The following MAPKAPK2 variants were observed in gnomAD, a reference collection of about 807,000 sequenced individuals.
The protein encoded by MAPKAPK2 is MAP kinase-activated protein kinase 2.
A neutral mutation model predicts 48.8 loss-of-function variants in MAPKAPK2; 9 were observed. The observed-to-expected ratio is 0.18, with a 90% CI of 0.11 to 0.32. The LOEUF is 0.32. Among genes scored for constraint, MAPKAPK2 ranks in the 10% least tolerant of loss-of-function variants. The probability of loss-of-function intolerance (pLI) is 1.00; values close to 1 mark genes in which losing one functional copy is unlikely to be tolerated. For missense variants in MAPKAPK2, 331 were observed against 498.3 expected (o/e 0.66, Z 3.20); for synonymous variants, 202 against 190.6 (o/e 1.06, Z -0.49).
chr1:206,727,986 C>T (rs1452814817), intron 1 of MAPKAPK2, among the ~76,000 whole-genome samples: 1 of 150,890 alleles, frequency 6.6e-6, no homozygotes, highest in Admixed American at 6.7e-5. Flanking sequence ...CAGTCACTAG[C>T]AAAGGGACTG....
intron 1 of MAPKAPK2, among the ~76,000 whole-genome samples, chr1:206,715,586 C>A (rs1673299317): frequency 6.6e-6 from 1 of 151,076 alleles, no homozygotes; most frequent in Non-Finnish European, 1.5e-5. Context: ...ACTCCTTGGT[C>A]TCAACATCTA....
At chr1:206,698,723 G>T (rs540523387) in intron 1 of MAPKAPK2, among the ~76,000 whole-genome samples, 1 of 152,112 alleles carries the variant, frequency 6.6e-6, no homozygotes, top group Non-Finnish European at 1.5e-5. Flanking sequence ...ACATGTTCAT[G>T]TACAGAATAA....
chr1:206,716,829 A>G (rs1446706659), intron 1 of MAPKAPK2, among the ~76,000 whole-genome samples: 1 of 151,970 alleles, frequency 6.6e-6, no homozygotes, highest in Non-Finnish European at 1.5e-5. Flanking sequence ...TACTAAGAAC[A>G]TGATCTTTCT....
chr1:206,697,121 T>A (rs1472587886), intron 1 of MAPKAPK2, among the ~76,000 whole-genome samples: 3 of 152,238 alleles, frequency 2.0e-5, no homozygotes, highest in Non-Finnish European at 4.4e-5. Flanking sequence ...AGGCCCCTCC[T>A]ATTCCTGTTC....
At chr1:206,703,597 A>G (rs1672863641) in intron 1 of MAPKAPK2, among the ~76,000 whole-genome samples, 1 of 152,254 alleles carries the variant, frequency 6.6e-6, no homozygotes. Context: ...AACAGAGGGT[A>G]GGCATCAACC....
At chr1:206,717,127 C>CA (rs1356460324) in intron 1 of MAPKAPK2, among the ~76,000 whole-genome samples, 11 of 152,172 alleles carry the variant, frequency 7.2e-5, no homozygotes, top group African/African-American at 2.7e-4. Flanking sequence ...GTTTATTTGT[C>CA]AAAGCCTCCT....
intron 1 of MAPKAPK2, among the ~76,000 whole-genome samples, chr1:206,697,687 G>A (rs1672673796): frequency 6.6e-6 from 1 of 152,176 alleles, no homozygotes; most frequent in Admixed American, 6.5e-5. Context: ...TCCAACACTG[G>A]GGATCATACT....
intron 6 of MAPKAPK2, 145 bp from the exon 7 acceptor site, chr1:206,730,993 C>G: frequency 2.4e-6 from 3 of 1,239,944 alleles, no homozygotes; most frequent in South Asian, 1.3e-5. Flanking sequence ...CCGGGCTTGA[C>G]TTTGTATATT....
At chr1:206,692,754 G>A (rs1477974973) in intron 1 of MAPKAPK2, among the ~76,000 whole-genome samples, 2 of 152,200 alleles carry the variant, frequency 1.3e-5, no homozygotes, top group Admixed American at 1.3e-4. Context: ...CTCCAAAAGG[G>A]TCATATGAAA....
chr1:206,728,172 T>A (rs1673768896), intron 1 of MAPKAPK2, among the ~76,000 whole-genome samples: 1 of 152,196 alleles, frequency 6.6e-6, no homozygotes, highest in South Asian at 2.1e-4. Context: ...GGATTCATAC[T>A]GGCATCCGGC....
chr1:206,718,625 C>T (rs1673418143), intron 1 of MAPKAPK2, among the ~76,000 whole-genome samples: 1 of 151,992 alleles, frequency 6.6e-6, no homozygotes, highest in South Asian at 2.1e-4. Context: ...TTAATAGCAT[C>T]CTGCTCTCCC....
In MAPKAPK2 at chr1:206,731,299, CGTGTGTGTGTGT is replaced by C. The variant is rs58152125; in HGVS notation, c.892+46_892+57del. 1 of 1,304,580 alleles carries C rather than the reference CGTGTGTGTGTGT, an allele frequency of 7.7e-7. No individual in the cohort carries two copies. The highest frequency in any genetic ancestry group is 2.0e-5 in the Admixed American group (1 of 49,766). 80.8% of individuals were successfully genotyped at this position (1,304,580 alleles called of 1,614,324 possible). A position where few individuals can be genotyped will look rare whatever the true frequency, so the allele number is the denominator to read the frequency against. ...GGCTTTCAGGACAAGGGGAAGAGCCCGTGTGTGTGTGTGTGTGTGTATGTGTGTACACGCAGA... is the reference window on the plus strand; with the variant it reads ...GGCTTTCAGGACAAGGGGAAGAGCCCGTGTGTGTATGTGTGTACACGCAGA... On this transcript the variant is annotated intron_variant, in intron 7 of 9. Coordinates refer to ENST00000367103, the MANE Select transcript of MAPKAPK2 (RefSeq NM_032960.4). This position sits in a 1 kb window ranked among gnomAD's most constrained non-coding sequence, Gnocchi z 5.9.
chr1:206,722,373 AAAAC>A (rs1277271401), intron 1 of MAPKAPK2, among the ~76,000 whole-genome samples: 1 of 152,100 alleles, frequency 6.6e-6, no homozygotes, highest in Non-Finnish European at 1.5e-5. Flanking sequence ...AACAAAAACA[AAAAC>A]AAAAAAAAAC....
chr1:206,728,737 A>C lies in MAPKAPK2; in HGVS notation c.307A>C (p.Arg103=), dbSNP rs1315754433. Residue 103 remains arginine, a synonymous_variant, in exon 2 of 10, where the codon AGG becomes CGG. Transcript: ENST00000367103. ...KMLQDCPKAR[R]EVELHWRASQ... Reference sequence around the variant, plus strand: ...GCTTCAGGACTGCCCCAAGGCCCGCAGGGAGGTGGAGCTGCACTGGCGGGC... The same window carrying C: ...GCTTCAGGACTGCCCCAAGGCCCGCCGGGAGGTGGAGCTGCACTGGCGGGC... 1.2e-6 allele frequency: 2 copies of C among 1,614,020 alleles called. No homozygotes were observed. The highest frequency in any genetic ancestry group is 1.3e-5 in the African/African-American group (1 of 74,938).
At chr1:206,694,683 G>C (rs1342511717) in intron 1 of MAPKAPK2, among the ~76,000 whole-genome samples, 2 of 152,222 alleles carry the variant, frequency 1.3e-5, no homozygotes, top group African/African-American at 4.8e-5. Context: ...CCTGCGGGGA[G>C]AGCCCTGGAC....
At position 206,685,334 on chromosome 1, in the gene MAPKAPK2, G is replaced by A. The variant is rs1420911593; in HGVS notation, c.105G>A (p.Pro35=). 8.5e-7 allele frequency: 1 copy of A among 1,177,066 alleles called. No homozygotes were observed. The highest frequency in any genetic ancestry group is 1.1e-6 in the Non-Finnish European group (1 of 893,192). 72.9% of individuals were successfully genotyped at this position (1,177,066 alleles called of 1,614,324 possible). Residue 35 remains proline, a synonymous_variant, in exon 1 of 10, where the codon CCG becomes CCA. Transcript: ENST00000367103. The stretch of plus-strand genomic sequence containing the variant: ...CCCTGCCGCACCCCCCGGCGCAGCC[G>A]CCGCCGCCGCCCCCGCAGCAGTTCC... The part of the protein sequence containing the change: ...TPALPHPPAQ[P]PPPPPQQFPQ...
At chr1:206,725,879 C>G (rs1448384001) in intron 1 of MAPKAPK2, among the ~76,000 whole-genome samples, 3 of 152,046 alleles carry the variant, frequency 2.0e-5, no homozygotes, top group African/African-American at 7.2e-5. Context: ...TCTGTGTCTC[C>G]CCTCATATCT....
chr1:206,695,756 ATCTC>A (rs549853933), intron 1 of MAPKAPK2: 27 of 209,000 alleles, frequency 1.3e-4, no homozygotes, highest in Non-Finnish European at 1.9e-4. Context: ...TGTGCAAGGC[ATCTC>A]TCTCTCTCTC....
chr1:206,718,532 C>CAAAAA (rs60964142), intron 1 of MAPKAPK2, among the ~76,000 whole-genome samples: 3 of 114,678 alleles, frequency 2.6e-5, no homozygotes, highest in Non-Finnish European at 3.6e-5. Flanking sequence ...GACTCCATCT[C>CAAAAA]AAAAAAAAAA....
Sources: allele counts gnomAD v4.1 joint callset (sites outside exome capture counted in the v4.1 genomes callset), GRCh38; gene constraint gnomAD v4.1.1; non-coding constraint Gnocchi (gnomAD v3.1); transcripts MANE v1.5; gene names NCBI Gene and HGNC (gene_info 2026-07-23, HGNC 2026-07-21).